The following MEGF11 variants were observed in gnomAD, a reference collection of about 807,000 sequenced individuals.
The protein encoded by MEGF11 is multiple epidermal growth factor-like domains protein 11.
In MEGF11, 126 loss-of-function variants were observed where a neutral mutation model predicts 146.6. The ratio of observed to expected loss-of-function variants is 0.86; its 90% CI spans 0.74 to 1.00. The LOEUF (loss-of-function observed/expected upper bound fraction) is 1.00, where lower values mean the gene tolerates loss of function less well. MEGF11 is among the 50% of genes least tolerant of loss of function. The pLI is 0.00. For missense variants in MEGF11, 1,509 were observed against 1,521.2 expected (o/e 0.99, Z 0.13); for synonymous variants, 532 against 583.4 (o/e 0.91, Z 1.27).
At chr15:66,196,184 A>C (rs1802927509) in intron 1 of MEGF11, among the ~76,000 whole-genome samples, 1 of 152,114 alleles carries the variant, frequency 6.6e-6, no homozygotes, top group South Asian at 2.1e-4. Flanking sequence ...CATATTCAGG[A>C]TTTGGGGTCA....
chr15:66,231,740 T>C (rs1267687697), intron 1 of MEGF11, among the ~76,000 whole-genome samples: 2 of 152,208 alleles, frequency 1.3e-5, no homozygotes, highest in Non-Finnish European at 2.9e-5. Context: ...TAATGAAGCA[T>C]AGGTTTTTCC....
intron 1 of MEGF11, among the ~76,000 whole-genome samples, chr15:66,190,692 C>T (rs2090844955): frequency 6.6e-6 from 1 of 152,132 alleles, no homozygotes; most frequent in African/African-American, 2.4e-5. Context: ...CCCACTGAAT[C>T]TCGGGACACA....
At chr15:66,156,774 C>A (rs1002104908) in intron 1 of MEGF11, among the ~76,000 whole-genome samples, 3 of 152,200 alleles carry the variant, frequency 2.0e-5, no homozygotes, top group Admixed American at 2.0e-4. Flanking sequence ...TGGACCTATA[C>A]CACCTCTGGG....
chr15:66,146,827 T>C lies in MEGF11; in HGVS notation c.-8-18416A>G, dbSNP rs540472606. ...CGGCCTGGGTCCTGCATTGTCTGCA[T>C]TGTTGGTGAAGGTAGGCACCTTCTC... On this transcript the variant is annotated intron_variant, in intron 1 of 25. Coordinates refer to ENST00000395614, the MANE Select transcript of MEGF11 (RefSeq NM_001385028.1). 5.3e-5 allele frequency among the ~76,000 whole-genome samples: 8 copies of C among 152,330 alleles called. No homozygotes were observed. In the South Asian group the frequency reaches 1.7e-3, roughly 32 times the overall value.
At chr15:66,019,147 T>C (rs1194122207) in intron 5 of MEGF11, among the ~76,000 whole-genome samples, 1 of 152,140 alleles carries the variant, frequency 6.6e-6, no homozygotes, top group Admixed American at 6.5e-5. Context: ...CGAGTGTGGA[T>C]GATTTTGGTG....
intron 24 of MEGF11, among the ~76,000 whole-genome samples, chr15:65,904,542 C>G (rs1325849038): frequency 6.6e-6 from 1 of 152,156 alleles, no homozygotes; most frequent in Admixed American, 6.5e-5. Flanking sequence ...CATCCCCTAC[C>G]CTGAGCTCAC....
chr15:65,998,673 C>T (rs2082271584), intron 5 of MEGF11, among the ~76,000 whole-genome samples: 1 of 152,078 alleles, frequency 6.6e-6, no homozygotes, highest in African/African-American at 2.4e-5. Flanking sequence ...TGGGTCCCCA[C>T]ATGCAGCTGA....
chr15:65,904,704 T>C (rs1429750739), intron 24 of MEGF11, among the ~76,000 whole-genome samples: 1 of 152,180 alleles, frequency 6.6e-6, no homozygotes, highest in African/African-American at 2.4e-5. Context: ...GTTTGGGGAA[T>C]AAGCTGCATA....
At chr15:65,971,670 T>C (rs2081301404) in intron 7 of MEGF11, among the ~76,000 whole-genome samples, 1 of 152,112 alleles carries the variant, frequency 6.6e-6, no homozygotes, top group South Asian at 2.1e-4. Context: ...CCTAAAGATA[T>C]TGATAGTTGA....
intron 1 of MEGF11, among the ~76,000 whole-genome samples, chr15:66,238,285 G>C (rs2092138919): frequency 6.6e-6 from 1 of 152,170 alleles, no homozygotes; most frequent in Non-Finnish European, 1.5e-5. Flanking sequence ...ATGCCCCAGA[G>C]AAAGGCTGGA....
rs554120844 is a variant in MEGF11, at chr15:66,012,177, T to C, written c.395-29689A>G. 2.0e-5 allele frequency among the ~76,000 whole-genome samples: 3 copies of C among 152,234 alleles called. No individual in the cohort carries two copies. The East Asian group carries it at 5.8e-4, about 29-fold the overall frequency. On this transcript the variant is annotated intron_variant, in intron 5 of 25. Transcript: ENST00000395614. ...AATTTGAGACCAACCTGGGCAACAT[T>C]GTGAAACCTGATCTCTACCAAAAAC...
At chr15:66,103,220 C>A (rs1337672120) in intron 4 of MEGF11, among the ~76,000 whole-genome samples, 1 of 152,234 alleles carries the variant, frequency 6.6e-6, no homozygotes, top group African/African-American at 2.4e-5. Context: ...CCCTCCTCAA[C>A]CTCCAGAGAT....
intron 1 of MEGF11, among the ~76,000 whole-genome samples, chr15:66,194,905 G>A (rs988429948): frequency 1.3e-4 from 20 of 152,170 alleles, no homozygotes; most frequent in East Asian, 1.9e-4. Flanking sequence ...TTTGAACCCC[G>A]TTTGTGCATT....
chr15:66,196,382 G>A (rs550269466), intron 1 of MEGF11, among the ~76,000 whole-genome samples: 3 of 152,282 alleles, frequency 2.0e-5, no homozygotes, highest in African/African-American at 7.2e-5. Flanking sequence ...TGAGGCAGGA[G>A]AATCACTTGA....
rs2084934283 is a variant in MEGF11 at position 66,062,206 on chromosome 15, G to A, written c.394+32196C>T. On this transcript the variant is annotated intron_variant, in intron 5 of 25. Coordinates refer to ENST00000395614, the MANE Select transcript of MEGF11 (RefSeq NM_001385028.1). ...GCAGCAAGCAAAGGCCCACAGGCTA[G>A]GGTGGCCCCCATGTTTGTCCCCTCC... Among the ~76,000 whole-genome samples the A allele has an allele frequency of 2.0e-5, 3 of 152,246 alleles. No individual in the cohort carries two copies. The South Asian group carries it at 6.2e-4, about 31-fold the overall frequency.
chr15:66,226,594 T>G (rs2091858570), intron 1 of MEGF11, among the ~76,000 whole-genome samples: 1 of 152,206 alleles, frequency 6.6e-6, no homozygotes, highest in African/African-American at 2.4e-5. Context: ...GTAGTGATGC[T>G]GCTATATTGT....
At chr15:66,062,964 C>A (rs2084966370) in intron 5 of MEGF11, among the ~76,000 whole-genome samples, 1 of 152,140 alleles carries the variant, frequency 6.6e-6, no homozygotes, top group East Asian at 1.9e-4. Flanking sequence ...TTTTGTTAAA[C>A]CATCCCTTTA....
chr15:66,155,939 G>A (rs2089741045), intron 1 of MEGF11, among the ~76,000 whole-genome samples: 1 of 152,184 alleles, frequency 6.6e-6, no homozygotes, highest in Non-Finnish European at 1.5e-5. Flanking sequence ...AGCGGGTGAT[G>A]GTCCTCAAGT....
intron 1 of MEGF11, among the ~76,000 whole-genome samples, chr15:66,181,493 G>A (rs1372245638): frequency 6.6e-6 from 1 of 151,998 alleles, no homozygotes; most frequent in African/African-American, 2.4e-5. Flanking sequence ...GCCACATAAG[G>A]ACTTTGCGGT....
Sources: gnomAD v4.1 joint callset for allele counts (sites outside exome capture counted in the v4.1 genomes callset) on GRCh38, gnomAD v4.1.1 for gene constraint, MANE v1.5 for transcripts, NCBI Gene and HGNC (gene_info 2026-07-23, HGNC 2026-07-21) for gene names.